The following C1orf141 variants were observed in gnomAD, a reference collection of about 807,000 sequenced individuals.
C1orf141 encodes chromosome 1 open reading frame 141, also known as uncharacterized protein C1orf141.
Under a neutral mutation model 23.2 loss-of-function variants are expected in C1orf141, and 19 were observed. The ratio of observed to expected loss-of-function variants is 0.82; its 90% CI spans 0.57 to 1.20. The LOEUF is 1.20. C1orf141 is among the 50% of genes most tolerant of loss of function. C1orf141 has a pLI of 0.00. For missense variants in C1orf141, 469 were observed against 455.1 expected, an observed-to-expected ratio of 1.03 and a Z score of -0.28; for synonymous variants, 153 against 154.6, an observed-to-expected ratio of 0.99 and a Z score of 0.08.
chr1:67,105,298 C>A (rs1021754372), intron 5 of C1orf141, among the ~76,000 whole-genome samples: 8 of 141,780 alleles, frequency 5.6e-5, no homozygotes, highest in African/African-American at 2.1e-4. Context: ...TGCACTCCAG[C>A]CTGAGCAACA....
chr1:67,098,377 T>C (rs1053773129), intron 5 of C1orf141, among the ~76,000 whole-genome samples: 3 of 152,040 alleles, frequency 2.0e-5, no homozygotes, highest in African/African-American at 4.8e-5. Context: ...AAAAATCAGC[T>C]GGGCATTGTG....
chr1:67,129,787 ATT>A (rs1331898257), intron 2 of C1orf141, among the ~76,000 whole-genome samples: 2 of 152,096 alleles, frequency 1.3e-5, no homozygotes, highest in Non-Finnish European at 2.9e-5. Flanking sequence ...CTCTAAACCA[ATT>A]TTGCCCACAG....
chr1:67,096,960 T>G (rs912612648), intron 5 of C1orf141, among the ~76,000 whole-genome samples: 7 of 152,210 alleles, frequency 4.6e-5, no homozygotes, highest in African/African-American at 1.4e-4. Context: ...GCAGCCTTGA[T>G]GGCTAAGGAA....
At chr1:67,116,280 GA>G (rs1429340137) in intron 4 of C1orf141, among the ~76,000 whole-genome samples, 1 of 152,142 alleles carries the variant, frequency 6.6e-6, no homozygotes, top group African/African-American at 2.4e-5. Flanking sequence ...AAAGTTTGCA[GA>G]AATCTTTTAT....
chr1:67,109,982 G>A (rs1399375148), intron 5 of C1orf141, among the ~76,000 whole-genome samples: 2 of 151,876 alleles, frequency 1.3e-5, no homozygotes, highest in Non-Finnish European at 2.9e-5. Flanking sequence ...GGTAATCCAA[G>A]CACATTACTT....
chr1:67,138,016 T>G (rs973253990), upstream of C1orf141, among the ~76,000 whole-genome samples: 1 of 152,240 alleles, frequency 6.6e-6, no homozygotes, highest in African/African-American at 2.4e-5. Context: ...AAGTTTCTTC[T>G]TCCTTAGGAA....
chr1:67,132,044 A>G (rs1646525352), intron 1 of C1orf141, among the ~76,000 whole-genome samples: 1 of 150,918 alleles, frequency 6.6e-6, no homozygotes, highest in African/African-American at 2.4e-5. Flanking sequence ...CGGCCTCCCA[A>G]AGTTCTGGGA....
upstream of C1orf141, among the ~76,000 whole-genome samples, chr1:67,137,027 A>G (rs1236984541): frequency 6.6e-6 from 1 of 152,226 alleles, no homozygotes; most frequent in Non-Finnish European, 1.5e-5. Flanking sequence ...TTCTTAAAAT[A>G]TAAACTGTAT....
At chr1:67,140,744 A>G (rs1247581968) in intron 1 of C1orf141, among the ~76,000 whole-genome samples, 1 of 152,200 alleles carries the variant, frequency 6.6e-6, no homozygotes, top group Non-Finnish European at 1.5e-5. Context: ...TATTTTTTAT[A>G]ATGGTAAAAA....
At chr1:67,126,635 G>A (rs925280905) in intron 3 of C1orf141, among the ~76,000 whole-genome samples, 4 of 152,202 alleles carry the variant, frequency 2.6e-5, no homozygotes, top group African/African-American at 9.6e-5. Context: ...AGAAAACAGA[G>A]TAGGACAGAT....
chr1:67,125,731 TA>T lies in C1orf141; in HGVS notation c.233+20del. The T allele has an allele frequency of 1.9e-6, 3 of 1,608,188 alleles. No individual in the cohort carries two copies. The highest frequency in any genetic ancestry group is 2.6e-6 in the Non-Finnish European group (3 of 1,174,800). ...ACAAACAAATTCTGAACTGAAAATT[TA>T]AGGTGGTTATGATAGTTACATTTTT... On this transcript the variant is annotated intron_variant, in intron 4 of 7. Transcript: ENST00000684719.
At chr1:67,113,796 GCT>G (rs1392467665) in intron 5 of C1orf141, 1 of 971,902 alleles carries the variant, frequency 1.0e-6, no homozygotes, top group Non-Finnish European at 1.4e-6. Flanking sequence ...AGAGATTTTT[GCT>G]ACCATTATGG....
chr1:67,112,971 T>A (rs992172156), intron 5 of C1orf141, among the ~76,000 whole-genome samples: 2 of 152,186 alleles, frequency 1.3e-5, no homozygotes, highest in African/African-American at 4.8e-5. Context: ...AAGAGGCTAA[T>A]GAAGTTGCAA....
At chr1:67,109,486 C>T (rs2102451796) in intron 5 of C1orf141, among the ~76,000 whole-genome samples, 1 of 152,238 alleles carries the variant, frequency 6.6e-6, no homozygotes, top group East Asian at 1.9e-4. Flanking sequence ...TGAACAATTC[C>T]TCCAAGAACA....
Position 67,093,445 on chromosome 1 carries a change from T to A in C1orf141, c.763A>T (p.Lys255Ter). Reference sequence around the variant, plus strand: ...ATAGATTGATTGCCAATTATAGATTTGAGGATTTCACAATTTCTTTCTAAA... The same window carrying A: ...ATAGATTGATTGCCAATTATAGATTAGAGGATTTCACAATTTCTTTCTAAA... ...FILERNCEIL[K>*]SIIGNQSISL... Residue 255 changes from lysine (K) to a stop codon, truncating the protein, a stop_gained, in exon 8 of 8, where the codon AAA becomes TAA. Transcript: ENST00000684719. LOFTEE classifies it low-confidence loss of function (END_TRUNC). The A allele has an allele frequency of 6.2e-7, 1 of 1,611,574 alleles. No homozygotes were observed. Among genetic ancestry groups the A allele is most frequent in the Non-Finnish European group, 8.5e-7 (1 of 1,178,116 alleles).
intron 5 of C1orf141, among the ~76,000 whole-genome samples, chr1:67,115,148 T>C (rs2102466233): frequency 6.6e-6 from 1 of 152,378 alleles, no homozygotes; most frequent in East Asian, 1.9e-4. Context: ...TAAAAATATA[T>C]TCCTATTTTG....
chr1:67,115,324 G>C (rs780079385), intron 5 of C1orf141, 28 bp downstream of exon 5: 2 of 815,128 alleles, frequency 2.5e-6, no homozygotes, highest in South Asian at 3.1e-5. Flanking sequence ...ATAAATCAAA[G>C]AAGTAAATAT....
At chr1:67,120,013 G>T (rs1646268270) in intron 4 of C1orf141, among the ~76,000 whole-genome samples, 1 of 152,222 alleles carries the variant, frequency 6.6e-6, no homozygotes, top group Admixed American at 6.5e-5. Context: ...AGCTTCAGAG[G>T]TGAGACCCCT....
At chr1:67,101,708 G>C (rs1343227531) in intron 5 of C1orf141, among the ~76,000 whole-genome samples, 1 of 151,866 alleles carries the variant, frequency 6.6e-6, no homozygotes. Flanking sequence ...TTCTTTTTGT[G>C]TTATTCATTT....
Sources: gnomAD v4.1 joint callset for allele counts (sites outside exome capture counted in the v4.1 genomes callset) on GRCh38, gnomAD v4.1.1 for gene constraint, MANE v1.5 for transcripts, NCBI Gene and HGNC (gene_info 2026-07-23, HGNC 2026-07-21) for gene names.